Variants in SLC15A5 observed in about 807,000 individuals in gnomAD.
SLC15A5 encodes the protein solute carrier family 15 member 5, also known as Peptide/histidine transporter ENSP00000340402.
A neutral mutation model predicts 56.1 loss-of-function variants in SLC15A5; 58 were observed. The observed-to-expected ratio is 1.03, with a 90% CI of 0.84 to 1.29. The LOEUF is 1.29. Ranked by LOEUF, SLC15A5 falls within the 50% of genes most tolerant of loss-of-function variation. The probability of loss-of-function intolerance (pLI) is 0.00; values close to 1 mark genes in which losing one functional copy is unlikely to be tolerated. For missense variants in SLC15A5, 681 were observed against 672.1 expected, an observed-to-expected ratio of 1.01 and a Z score of -0.15; for synonymous variants, 264 against 250.5, an observed-to-expected ratio of 1.05 and a Z score of -0.51.
At chr12:16,197,085 TA>T (rs200484038) in intron 7 of SLC15A5, among the ~76,000 whole-genome samples, 58 of 146,792 alleles carry the variant, frequency 4.0e-4, no homozygotes, top group African/African-American at 4.5e-4. Flanking sequence ...GGGATTATCT[TA>T]AAAAAAAAAA....
chr12:16,202,690 A>G (rs756597089), intron 7 of SLC15A5, among the ~76,000 whole-genome samples: 7 of 152,170 alleles, frequency 4.6e-5, no homozygotes, highest in East Asian at 1.9e-4. Flanking sequence ...TACTGTTCAC[A>G]ATAGCTAAGA....
At chr12:16,242,622 C>T (rs749933074) in intron 4 of SLC15A5, among the ~76,000 whole-genome samples, 29 of 152,118 alleles carry the variant, frequency 1.9e-4, no homozygotes, top group Non-Finnish European at 3.4e-4. Context: ...AGTTTCTGTG[C>T]TTTGCAATAA....
intron 5 of SLC15A5, among the ~76,000 whole-genome samples, chr12:16,238,805 A>G (rs1864380338): frequency 2.6e-5 from 4 of 152,168 alleles, no homozygotes; most frequent in Admixed American, 2.6e-4. Flanking sequence ...TATGCTCACC[A>G]AACAATTAAA....
At chr12:16,198,948 T>C (rs1863922190) in intron 7 of SLC15A5, among the ~76,000 whole-genome samples, 1 of 152,022 alleles carries the variant, frequency 6.6e-6, no homozygotes, top group Non-Finnish European at 1.5e-5. Context: ...TCTAACCACA[T>C]GTTCCCCTGC....
chr12:16,192,565 G>C (rs1212816984), intron 8 of SLC15A5, among the ~76,000 whole-genome samples: 1 of 151,984 alleles, frequency 6.6e-6, no homozygotes, highest in Non-Finnish European at 1.5e-5. Context: ...CTAGATGTTA[G>C]CTCCATGTAG....
In SLC15A5 at chr12:16,224,448, T is replaced by G. The variant is rs537514989; in HGVS notation, c.1317A>C (p.Leu439Phe). Residue 439 changes from leucine (L) to phenylalanine (F), a missense_variant, in exon 6 of 9, where the codon TTA becomes TTC. Transcript: ENST00000344941. ...TTACCAGTGTTTCCGCCACTCCAAG[T>G]AAAACATACTGAAGAATCAGGTAGA... ...PCFYLILQYV[L>F]LGVAETLVNP... 3 of 1,537,212 alleles carry G rather than the reference T, an allele frequency of 2.0e-6. No homozygotes were observed. The highest frequency in any genetic ancestry group is 1.7e-6 in the Non-Finnish European group (2 of 1,146,876).
intron 3 of SLC15A5, among the ~76,000 whole-genome samples, chr12:16,254,432 T>C (rs1864549074): frequency 6.6e-6 from 1 of 152,166 alleles, no homozygotes; most frequent in African/African-American, 2.4e-5. Flanking sequence ...TACTTAACAC[T>C]ACTGAACTGT....
chr12:16,217,599 G>T (rs769291885), intron 6 of SLC15A5, among the ~76,000 whole-genome samples: 2 of 152,124 alleles, frequency 1.3e-5, no homozygotes, highest in Non-Finnish European at 2.9e-5. Context: ...CACTTGCAGA[G>T]GTGCTGGGAC....
At chr12:16,192,272 TC>T (rs901149695) in intron 8 of SLC15A5, among the ~76,000 whole-genome samples, 1 of 152,090 alleles carries the variant, frequency 6.6e-6, no homozygotes, top group African/African-American at 2.4e-5. Context: ...TGTTTCTTCC[TC>T]TCTCTCTATC....
chr12:16,207,718 A>G (rs752970586), intron 7 of SLC15A5, among the ~76,000 whole-genome samples: 21 of 151,644 alleles, frequency 1.4e-4, no homozygotes, highest in Admixed American at 1.3e-4. Context: ...CAGTGGTGCA[A>G]TCTTGGCTCA....
chr12:16,238,386 G>C (rs1442384883), intron 5 of SLC15A5, among the ~76,000 whole-genome samples: 2 of 152,092 alleles, frequency 1.3e-5, no homozygotes, highest in Non-Finnish European at 2.9e-5. Flanking sequence ...CCAGCACTTT[G>C]GGAGGCCGAG....
chr12:16,230,679 C>T (rs1020648530), intron 5 of SLC15A5, among the ~76,000 whole-genome samples: 4 of 150,254 alleles, frequency 2.7e-5, no homozygotes, highest in Admixed American at 1.3e-4. Flanking sequence ...TTTGGGAGGC[C>T]GAGGCGGGTG....
chr12:16,234,772 G>A (rs546802476), intron 5 of SLC15A5, among the ~76,000 whole-genome samples: 7 of 152,060 alleles, frequency 4.6e-5, no homozygotes, highest in Non-Finnish European at 8.8e-5. Flanking sequence ...AAGACATTCC[G>A]AATTTATTGA....
rs1565654548 is a variant in SLC15A5, at chr12:16,193,835, GA to G, written c.1592+509del. Among the ~76,000 whole-genome samples, 65 of 138,522 alleles carry G rather than the reference GA, an allele frequency of 4.7e-4. 3 individuals carry two copies. Among genetic ancestry groups the G allele is most frequent in the African/African-American group, 1.8e-3 (62 of 33,572 alleles). The allele number at this position is 138,522 out of a possible 152,430, so 90.9% of individuals were successfully genotyped here. A position where few individuals can be genotyped will look rare whatever the true frequency, so the allele number is the denominator to read the frequency against. On this transcript the variant is annotated intron_variant, in intron 8 of 8. Transcript: ENST00000344941. Reference sequence around the variant, plus strand: ...AGAGAGAGAGAGAGAGAGAGAGAGAGAGAGAGAGAGGCTGGCAATGGATGGG... The same window carrying G: ...AGAGAGAGAGAGAGAGAGAGAGAGAGGAGAGAGAGGCTGGCAATGGATGGG...
intron 5 of SLC15A5, among the ~76,000 whole-genome samples, chr12:16,238,992 T>A (rs1864382583): frequency 6.6e-6 from 1 of 151,896 alleles, no homozygotes; most frequent in Non-Finnish European, 1.5e-5. Flanking sequence ...ATAAGCAAAC[T>A]AAAACAAGGA....
At chr12:16,240,513 A>T (rs569729856) in intron 4 of SLC15A5, among the ~76,000 whole-genome samples, 23 of 152,282 alleles carry the variant, frequency 1.5e-4, no homozygotes, top group Non-Finnish European at 3.2e-4. Flanking sequence ...CTAGAATTCC[A>T]TAAAGGAAAC....
intron 5 of SLC15A5, among the ~76,000 whole-genome samples, chr12:16,234,252 C>G (rs565125257): frequency 2.0e-5 from 3 of 152,120 alleles, no homozygotes; most frequent in Non-Finnish European, 4.4e-5. Context: ...TCACTCTCCT[C>G]CCAAAACCAA....
At chr12:16,229,292 A>G (rs2136251651) in intron 5 of SLC15A5, among the ~76,000 whole-genome samples, 1 of 152,236 alleles carries the variant, frequency 6.6e-6, no homozygotes, top group South Asian at 2.1e-4. Flanking sequence ...GCTACTTTCT[A>G]CTGTCTGACC....
At chr12:16,234,916 C>T (rs955091240) in intron 5 of SLC15A5, among the ~76,000 whole-genome samples, 8 of 152,038 alleles carry the variant, frequency 5.3e-5, no homozygotes. Flanking sequence ...CTATGGGTTT[C>T]TATGTGTAGT....
Sources: allele counts gnomAD v4.1 joint callset (sites outside exome capture counted in the v4.1 genomes callset), GRCh38; gene constraint gnomAD v4.1.1; transcripts MANE v1.5; gene names NCBI Gene and HGNC (gene_info 2026-07-23, HGNC 2026-07-21).